The following USP20 variants were observed in gnomAD, a reference collection of about 807,000 sequenced individuals.
USP20 encodes the protein ubiquitin specific peptidase 20.
A neutral mutation model predicts 124.2 loss-of-function variants in USP20; 80 were observed. The observed-to-expected ratio is 0.64, with a 90% CI of 0.54 to 0.78. USP20 has a LOEUF of 0.78. Ranked by LOEUF, USP20 falls within the 30% of genes least tolerant of loss-of-function variation. The pLI, the probability that USP20 is intolerant of heterozygous loss-of-function variation, is 0.00. For synonymous variants in USP20, 481 were observed against 512.3 expected, an observed-to-expected ratio of 0.94 and a Z score of 0.83; for missense variants, 1,043 against 1,244.4, an observed-to-expected ratio of 0.84 and a Z score of 2.44.
chr9:129,862,300 T>A (rs2033589900), intron 8 of USP20, among the ~76,000 whole-genome samples: 1 of 152,170 alleles, frequency 6.6e-6, no homozygotes, highest in East Asian at 1.9e-4. Flanking sequence ...ACGCCTGTAA[T>A]CCCAGCACTT....
intron 8 of USP20, among the ~76,000 whole-genome samples, chr9:129,862,657 G>A (rs2033610404): frequency 6.6e-6 from 1 of 152,126 alleles, no homozygotes; most frequent in South Asian, 2.1e-4. Context: ...TGTAATCCCA[G>A]CACTTTGGGA....
At position 129,841,281 on chromosome 9, in the gene USP20, G is replaced by A. The variant is rs372501960; in HGVS notation, c.-129+5782G>A. Among the ~76,000 whole-genome samples, 8 of 152,256 alleles carry A rather than the reference G, an allele frequency of 5.3e-5. No homozygotes were observed. The East Asian group carries it at 1.2e-3, about 22-fold the overall frequency. ...CATCTTCTCACTGTGTCCTGGCTTG[G>A]TCTTTCCTCTGTGTGAGTCCGGATT... On this transcript the variant is annotated intron_variant, in intron 1 of 25. Transcript: ENST00000372429.
At chr9:129,867,861 G>A (rs374451475) in intron 10 of USP20, 144 bp from the exon 11 acceptor site, 58 of 978,508 alleles carry the variant, frequency 5.9e-5, no homozygotes, top group African/African-American at 8.2e-5. Flanking sequence ...ATGGGAGGCC[G>A]CTGTGGGGGT....
intron 5 of USP20, 106 bp downstream of exon 5, chr9:129,858,218 G>C (rs2033319372): frequency 1.5e-6 from 2 of 1,299,246 alleles, no homozygotes; most frequent in Non-Finnish European, 2.2e-6. Flanking sequence ...GCAATAAATG[G>C]TGTCATCCTA....
At position 129,843,109 on chromosome 9, in the gene USP20, G is replaced by A. The variant is rs906573696; in HGVS notation, c.-128-6704G>A. Among the ~76,000 whole-genome samples, 3 of 146,312 alleles carry A rather than the reference G, an allele frequency of 2.1e-5. No homozygotes were observed. In the East Asian group the frequency reaches 5.9e-4, roughly 29 times the overall value. On this transcript the variant is annotated intron_variant, in intron 1 of 25. Transcript: ENST00000372429. ...GTAGAGCCTTCAAAGCACACATTTT[G>A]ACCAATAATTTTTTTTTTTTTTTTT...
intron 1 of USP20, among the ~76,000 whole-genome samples, chr9:129,840,522 C>T (rs918346176): frequency 2.6e-5 from 4 of 152,164 alleles, no homozygotes; most frequent in African/African-American, 9.7e-5. Context: ...AAAAGTCAAA[C>T]TTAAGAAAAA....
intron 1 of USP20, among the ~76,000 whole-genome samples, chr9:129,840,346 G>GAAA (rs1485161274): frequency 6.6e-6 from 1 of 152,162 alleles, no homozygotes; most frequent in Non-Finnish European, 1.5e-5. Context: ...TCTGTGAGAT[G>GAAA]AGAAACAGCC....
At position 129,869,383 on chromosome 9, in the gene USP20, CG is replaced by C; in HGVS notation, c.1352del (p.Gly451AlafsTer102). ...YRSVISDIFD[G>X]SILSLVQCLT... ...GCAGCGTCATCTCAGACATCTTTGA[CG>C]GCTCCATTCTCAGCCTTGTGCAGTG... is the stretch of plus-strand genomic sequence containing the variant. On this transcript the variant is annotated frameshift_variant, in exon 13 of 26. Transcript: ENST00000372429. LOFTEE classifies it high-confidence loss of function. 1.2e-6 allele frequency: 2 copies of C among 1,613,730 alleles called. No individual in the cohort carries two copies. The highest frequency in any genetic ancestry group is 1.7e-6 in the Non-Finnish European group (2 of 1,179,994).
At chr9:129,852,122 G>A (rs72755285) in intron 2 of USP20, among the ~76,000 whole-genome samples, 22,742 of 152,092 alleles carry the variant, frequency 0.15, 2,274 homozygotes, top group African/African-American at 0.28. Flanking sequence ...CTACACTGCC[G>A]CCTTCTCTGC....
intron 10 of USP20, among the ~76,000 whole-genome samples, chr9:129,867,455 G>A (rs555508486): frequency 3.9e-5 from 6 of 152,318 alleles, no homozygotes; most frequent in East Asian, 1.9e-4. Context: ...AGGGTATGTG[G>A]GGGCTGGCAC....
chr9:129,868,886 G>A lies in USP20; in HGVS notation c.1160G>A (p.Arg387His), dbSNP rs369513001. The change falls in exon 12 of 26, where the codon CGC becomes CAC. Residue 387 changes from arginine to histidine, a missense_variant. Transcript: ENST00000372429. ...TPEPDNDAHL[R>H]SSSRPCSPVH... ...GAGCCGGACAATGATGCTCACCTAC[G>A]CAGCTCCTCTCGCCCCTGCAGCCCC... 179 of 1,596,514 alleles carry A rather than the reference G, an allele frequency of 1.1e-4. 1 individual carries two copies. Among genetic ancestry groups the A allele is most frequent in the Non-Finnish European group, 1.4e-4 (166 of 1,169,196 alleles).
Position 129,868,009 on chromosome 9 carries a change from C to G in USP20, c.695C>G (p.Thr232Ser). 1 of 1,612,448 alleles carries G rather than the reference C, an allele frequency of 6.2e-7. No homozygotes were observed. Among genetic ancestry groups the G allele is most frequent in the South Asian group, 1.1e-5 (1 of 90,992 alleles). ...TGATGCAGCCCCTGGTTCTAGGACA[C>G]CCAAGAGTTCCTTCGCTGCCTGATG... Reference protein sequence around the residue: ...PMFRGYAQQDTQEFLRCLMDQ... With the variant: ...PMFRGYAQQDSQEFLRCLMDQ... The change falls in exon 11 of 26, where the codon ACC becomes AGC. Residue 232 changes from threonine to serine, a missense_variant. Transcript: ENST00000372429.
chr9:129,844,865 C>G (rs1435864525), intron 1 of USP20, among the ~76,000 whole-genome samples: 1 of 151,510 alleles, frequency 6.6e-6, no homozygotes, highest in Non-Finnish European at 1.5e-5. Flanking sequence ...TTGAATACAA[C>G]ATGGAGGTAA....
chr9:129,852,341 G>A (rs1159085735), intron 2 of USP20, among the ~76,000 whole-genome samples, 199 bp from the exon 3 acceptor site: 1 of 152,132 alleles, frequency 6.6e-6, no homozygotes, highest in Admixed American at 6.5e-5. Context: ...CGTGACCTAG[G>A]AGCGACCCAC....
chr9:129,837,508 A>G (rs1305970431), intron 1 of USP20, among the ~76,000 whole-genome samples: 3 of 151,848 alleles, frequency 2.0e-5, no homozygotes, highest in Non-Finnish European at 4.4e-5. Context: ...TATTTATTGG[A>G]TCAATGTATT....
chr9:129,879,080 C>A lies in USP20; in HGVS notation c.2513-493C>A, dbSNP rs1219018279. On this transcript the variant is annotated intron_variant, in intron 23 of 25. Coordinates refer to ENST00000372429, the MANE Select transcript of USP20 (RefSeq NM_001110303.4). The surrounding 1 kb of genome is among the most constrained non-coding windows in gnomAD (Gnocchi z 4.2). ...GAAGGTGCCAGGGCCACCGTGAGGC[C>A]TCTCTGGTGGTGGCTGAGGCCTTCA... 6.6e-6 allele frequency among the ~76,000 whole-genome samples: 1 copy of A among 151,352 alleles called. No homozygotes were observed. Among genetic ancestry groups the A allele is most frequent in the African/African-American group, 2.4e-5 (1 of 41,418 alleles).
Position 129,839,490 on chromosome 9 carries a change from A to T in USP20, c.-129+3991A>T, listed in dbSNP as rs1177064002. Among the ~76,000 whole-genome samples the T allele has an allele frequency of 6.6e-6, 1 of 151,844 alleles. No individual in the cohort carries two copies. ...TGGCCTCCGAGTGAGGACTGGGTTA[A>T]GGGAAGGGGTGGGTGTGTCTGGGAC... is the stretch of plus-strand genomic sequence containing the variant. On this transcript the variant is annotated intron_variant, in intron 1 of 25. Transcript: ENST00000372429. This position sits in a 1 kb window ranked among gnomAD's most constrained non-coding sequence, Gnocchi z 4.5.
chr9:129,858,021 C>T (rs1311746876), intron 4 of USP20, 29 bp from the exon 5 acceptor site: 1 of 1,605,488 alleles, frequency 6.2e-7, no homozygotes, highest in Non-Finnish European at 8.5e-7. Flanking sequence ...TGGCAAGCTC[C>T]AGTCCACTCT....
chr9:129,869,034 G>A, intron 12 of USP20, 32 bp downstream of exon 12: 1 of 1,580,980 alleles, frequency 6.3e-7, no homozygotes. Flanking sequence ...GGGTCAGCTT[G>A]AGGCTGGGAG....
Sources: gnomAD v4.1 joint callset for allele counts (sites outside exome capture counted in the v4.1 genomes callset) on GRCh38, gnomAD v4.1.1 for gene constraint, Gnocchi (gnomAD v3.1) non-coding constraint, MANE v1.5 for transcripts, NCBI Gene and HGNC (gene_info 2026-07-23, HGNC 2026-07-21) for gene names.